WWTR1: variants seen among roughly 807,000 people sequenced by gnomAD.
The protein encoded by WWTR1 is WW domain-containing transcription regulator protein 1.
WWTR1 carries 13 observed loss-of-function variants against 40.1 expected under a neutral mutation model. The observed-to-expected ratio is 0.32, with a 90% CI of 0.21 to 0.52. WWTR1 has a LOEUF of 0.52. Ranked by LOEUF, WWTR1 falls within the 20% of genes least tolerant of loss-of-function variation. The pLI, the probability that WWTR1 is intolerant of heterozygous loss-of-function variation, is 0.97. For missense variants in WWTR1, 436 were observed against 523.1 expected (o/e 0.83, Z 1.63); for synonymous variants, 230 against 210.1 (o/e 1.09, Z -0.82).
At chr3:149,543,597 A>G (rs866042091) in intron 3 of WWTR1, among the ~76,000 whole-genome samples, 1 of 146,546 alleles carries the variant, frequency 6.8e-6, no homozygotes, top group South Asian at 2.2e-4. Flanking sequence ...AAAAAAAAAA[A>G]AAAAAAGAAC....
At chr3:149,548,060 C>T (rs1053332071) in intron 3 of WWTR1, among the ~76,000 whole-genome samples, 5 of 104,710 alleles carry the variant, frequency 4.8e-5, no homozygotes, top group Admixed American at 1.4e-4. Context: ...GGGAATGGGG[C>T]GGGGGGTGGG....
chr3:149,560,480 C>A (rs1737035090), intron 3 of WWTR1, among the ~76,000 whole-genome samples: 2 of 152,162 alleles, frequency 1.3e-5, no homozygotes, highest in African/African-American at 4.8e-5. Flanking sequence ...ATGGGATGAT[C>A]CAATTCCATT....
chr3:149,573,937 TTG>T (rs1737762913), intron 2 of WWTR1, among the ~76,000 whole-genome samples: 2 of 140,998 alleles, frequency 1.4e-5, no homozygotes, highest in Admixed American at 6.9e-5. Context: ...TAGTGAAAGT[TTG>T]TGATATATAT....
rs907029493 is a variant in WWTR1, at chr3:149,652,328, T to C, written c.431+4548A>G. Among the ~76,000 whole-genome samples, 10 of 151,500 alleles carry C rather than the reference T, an allele frequency of 6.6e-5. No homozygotes were observed. The East Asian group carries it at 1.7e-3, about 26-fold the overall frequency. ...CAGCATAAGGAATCAAGAAATACTATCCAAAGTTGAAAAAGCCAGGTGTGG... is the reference window on the plus strand; with the variant it reads ...CAGCATAAGGAATCAAGAAATACTACCCAAAGTTGAAAAAGCCAGGTGTGG... On this transcript the variant is annotated intron_variant, in intron 2 of 6. Coordinates refer to ENST00000360632, the MANE Select transcript of WWTR1 (RefSeq NM_015472.6).
At chr3:149,637,765 G>A (rs1293075468) in intron 2 of WWTR1, among the ~76,000 whole-genome samples, 1 of 152,220 alleles carries the variant, frequency 6.6e-6, no homozygotes, top group Non-Finnish European at 1.5e-5. Flanking sequence ...AGTAGGAGGA[G>A]ATCCCTTCTA....
At chr3:149,713,086 G>T (rs767981881) in intron 5 of WWTR1, among the ~76,000 whole-genome samples, 13 of 152,122 alleles carry the variant, frequency 8.5e-5, no homozygotes, top group Non-Finnish European at 1.9e-4. Flanking sequence ...AGCAGGGAAT[G>T]TAGGTGGAGA....
intron 3 of WWTR1, 57 bp downstream of exon 3, chr3:149,572,807 C>A: frequency 1.3e-6 from 2 of 1,581,902 alleles, no homozygotes; most frequent in South Asian, 1.2e-5. Flanking sequence ...CAAAGGGAGA[C>A]CCCAACTCTA....
chr3:149,524,051 T>A (rs140167254), intron 6 of WWTR1, among the ~76,000 whole-genome samples: 199 of 152,340 alleles, frequency 1.3e-3, no homozygotes, highest in Non-Finnish European at 2.5e-3. Flanking sequence ...TGAGCTGGTC[T>A]CTGTGATCTC....
intron 4 of WWTR1, among the ~76,000 whole-genome samples, chr3:149,528,626 C>CA (rs1312987374): frequency 3.9e-5 from 6 of 151,970 alleles, no homozygotes; most frequent in African/African-American, 1.5e-4. Flanking sequence ...CCTGTCTCTA[C>CA]AAAAAATACA....
intron 3 of WWTR1, among the ~76,000 whole-genome samples, chr3:149,558,112 A>G (rs1736917144): frequency 6.6e-6 from 1 of 152,110 alleles, no homozygotes; most frequent in African/African-American, 2.4e-5. Flanking sequence ...TCAGTCACAG[A>G]TTGCCCTCAA....
chr3:149,605,520 C>T (rs1012890546), intron 2 of WWTR1, among the ~76,000 whole-genome samples: 14 of 152,060 alleles, frequency 9.2e-5, no homozygotes, highest in African/African-American at 2.9e-4. Flanking sequence ...TCCATAACAA[C>T]GGAGAAGGAG....
At chr3:149,587,886 T>TA (rs1156692996) in intron 2 of WWTR1, among the ~76,000 whole-genome samples, 3 of 152,186 alleles carry the variant, frequency 2.0e-5, no homozygotes, top group African/African-American at 7.2e-5. Context: ...CCTGAAAACT[T>TA]ACGGCGGGTT....
chr3:149,679,797 A>C (rs1714395117), intron 1 of WWTR1, among the ~76,000 whole-genome samples: 1 of 152,206 alleles, frequency 6.6e-6, no homozygotes, highest in Non-Finnish European at 1.5e-5. Context: ...TTTATGAGGA[A>C]ATGGACAGAC....
chr3:149,581,974 C>A (rs1054551159), intron 2 of WWTR1, among the ~76,000 whole-genome samples: 23 of 152,142 alleles, frequency 1.5e-4, no homozygotes, highest in African/African-American at 5.6e-4. Context: ...ACTGTAATAC[C>A]CGTGGTTCCT....
At chr3:149,603,019 C>T (rs1022632768) in intron 2 of WWTR1, among the ~76,000 whole-genome samples, 2 of 151,938 alleles carry the variant, frequency 1.3e-5, no homozygotes, top group South Asian at 4.1e-4. Flanking sequence ...AATAACCAGG[C>T]TTCTTTCTAC....
intron 3 of WWTR1, among the ~76,000 whole-genome samples, chr3:149,566,826 A>C (rs76362376): frequency 0.014 from 2,153 of 152,002 alleles, 48 homozygotes; most frequent in African/African-American, 0.05. Flanking sequence ...AAAAAAAAAA[A>C]ACACACATGT....
rs1471991226 is a variant in WWTR1, at chr3:149,542,484, T to G, written c.622A>C (p.Asn208His). ...QMAPSTLSQQNHPTQNPPAGL... is the reference protein window; with the variant it reads ...QMAPSTLSQQHHPTQNPPAGL... ...GCGGGTGGGTTCTGAGTGGGGTGGTTCTGCTGGCTCAGGGTACTGGGGGCC... is the reference window on the plus strand; with the variant it reads ...GCGGGTGGGTTCTGAGTGGGGTGGTGCTGCTGGCTCAGGGTACTGGGGGCC... The change falls in exon 4 of 7, where the codon AAC (asparagine) becomes CAC (histidine). Residue 208 changes from asparagine (N) to histidine (H), a missense_variant. By Grantham distance (68) the Asn-to-His change is moderately conservative. Coordinates refer to ENST00000360632, the MANE Select transcript of WWTR1 (RefSeq NM_015472.6). The G allele has an allele frequency of 1.2e-6, 2 of 1,613,966 alleles. No individual in the cohort carries two copies. The highest frequency in any genetic ancestry group is 4.5e-5 in the East Asian group (2 of 44,874).
At chr3:149,689,643 T>A (rs968472080) in intron 1 of WWTR1, among the ~76,000 whole-genome samples, 3 of 152,076 alleles carry the variant, frequency 2.0e-5, no homozygotes, top group African/African-American at 7.2e-5. Context: ...TGTGGAAATA[T>A]CCTTCAAACA....
intron 4 of WWTR1, among the ~76,000 whole-genome samples, chr3:149,528,932 T>G (rs1465088406): frequency 2.0e-5 from 3 of 152,208 alleles, no homozygotes; most frequent in African/African-American, 7.2e-5. Flanking sequence ...AGCATTATTT[T>G]ATAAAAGCTA....
Sources: allele counts gnomAD v4.1 joint callset (sites outside exome capture counted in the v4.1 genomes callset), GRCh38; gene constraint gnomAD v4.1.1; transcripts MANE v1.5; gene names NCBI Gene and HGNC (gene_info 2026-07-23, HGNC 2026-07-21).